KIZ: variants seen among roughly 807,000 people sequenced by gnomAD.
KIZ encodes kizuna centrosomal protein, also known as centrosomal protein kizuna.
A neutral mutation model predicts 79.6 loss-of-function variants in KIZ; 68 were observed. That is an observed-to-expected ratio of 0.85 (90% confidence interval 0.70 to 1.05). The LOEUF (loss-of-function observed/expected upper bound fraction) is 1.05. Among genes scored for constraint, KIZ ranks in the 50% least tolerant of loss-of-function variants. The probability of loss-of-function intolerance (pLI) is 0.00; values close to 1 mark genes in which losing one functional copy is unlikely to be tolerated. For synonymous variants in KIZ, 280 were observed against 281.8 expected, an observed-to-expected ratio of 0.99 and a Z score of 0.06; for missense variants, 797 against 800.4, an observed-to-expected ratio of 1.00 and a Z score of 0.05.
Position 21,136,402 on chromosome 20 carries a change from A to C in KIZ, c.165A>C (p.Lys55Asn), listed in dbSNP as rs1267860845. ...TTTAATTTTCTAGAGTTAAGCTGAAATATGTAAAACTAAAGAATTATCTGA... is the reference window on the plus strand; with the variant it reads ...TTTAATTTTCTAGAGTTAAGCTGAACTATGTAAAACTAAAGAATTATCTGA... ...NQSDTCRVKL[K>N]YVKLKNYLKE... is the part of the protein sequence containing the mutation. The change falls in exon 3 of 13, where the codon AAA (lysine) becomes AAC (asparagine). Residue 55 changes from lysine to asparagine, a missense_variant. Coordinates refer to ENST00000619189, the MANE Select transcript of KIZ (RefSeq NM_018474.6). 1 of 1,525,088 alleles carries C rather than the reference A, an allele frequency of 6.6e-7. No individual in the cohort carries two copies. The highest frequency in any genetic ancestry group is 2.3e-5 in the East Asian group (1 of 43,158). The allele number at this position is 1,525,088 out of a possible 1,614,324, so 94.5% of individuals were successfully genotyped here. A position where few individuals can be genotyped will look rare whatever the true frequency, so the allele number is the denominator to read the frequency against.
In KIZ at chr20:21,141,353, C is replaced by T. The variant is rs116241599; in HGVS notation, c.316-4212C>T. The stretch of plus-strand genomic sequence containing the variant: ...AAGCTAGCTACCATAGTCAGCCTGG[C>T]GCCAAATCCTACAGGGAACTTCTGG... On this transcript the variant is annotated intron_variant, in intron 3 of 12. Coordinates refer to ENST00000619189, the MANE Select transcript of KIZ (RefSeq NM_018474.6). Among the ~76,000 whole-genome samples, 766 of 152,246 alleles carry T rather than the reference C, an allele frequency of 5.0e-3. 4 individuals are homozygous for T. Among genetic ancestry groups the T allele is most frequent in the African/African-American group, 0.018 (744 of 41,548 alleles).
At chr20:21,180,306 T>G (rs1159411027) in intron 6 of KIZ, among the ~76,000 whole-genome samples, 1 of 152,042 alleles carries the variant, frequency 6.6e-6, no homozygotes, top group Non-Finnish European at 1.5e-5. Flanking sequence ...GACAACTCTT[T>G]TCCTAGAATT....
chr20:21,139,318 A>C (rs1055396006), intron 3 of KIZ, among the ~76,000 whole-genome samples: 5 of 152,110 alleles, frequency 3.3e-5, no homozygotes, highest in Admixed American at 6.6e-5. Context: ...ATATGGAATT[A>C]ACCTCCTATC....
intron 6 of KIZ, among the ~76,000 whole-genome samples, chr20:21,182,848 T>A (rs979590220): frequency 3.3e-5 from 5 of 151,990 alleles, no homozygotes; most frequent in African/African-American, 1.2e-4. Context: ...TTAGACTTCT[T>A]TTCTCCTCTC....
Position 21,246,542 on chromosome 20 carries a change from A to AT in KIZ, c.1989dup (p.Asn664Ter). ...GAGGCTGCTTTACGCCCCAGAAACC[A>AT]TAACACCGATGATTCTGATGATTTT... On this transcript the variant is annotated frameshift_variant, in exon 13 of 13. Transcript: ENST00000619189. LOFTEE classifies it high-confidence loss of function. 1 of 1,610,632 alleles carries AT rather than the reference A, an allele frequency of 6.2e-7. No individual in the cohort carries two copies. Among genetic ancestry groups the AT allele is most frequent in the Non-Finnish European group, 8.5e-7 (1 of 1,176,916 alleles).
rs139404522 is a variant in KIZ, at chr20:21,193,528, T to C, written c.1353-11963T>C. Among the ~76,000 whole-genome samples the C allele has an allele frequency of 1.8e-3, 278 of 152,168 alleles. 3 individuals are homozygous for C. The East Asian group carries it at 0.042, about 23-fold the overall frequency. ...GGGTATATACCCAAAGGATTGTAAG[T>C]CATGCTGCTATAAAGACACATGGAC... On this transcript the variant is annotated intron_variant, in intron 6 of 12. Transcript: ENST00000619189.
At chr20:21,173,622 G>T (rs2034316597) in intron 6 of KIZ, among the ~76,000 whole-genome samples, 1 of 150,604 alleles carries the variant, frequency 6.6e-6, no homozygotes, top group Non-Finnish European at 1.5e-5. Context: ...ATTCTTTATG[G>T]ATTGGGTGTG....
At chr20:21,226,653 A>T (rs943384314) in intron 9 of KIZ, among the ~76,000 whole-genome samples, 9 of 152,196 alleles carry the variant, frequency 5.9e-5, no homozygotes, top group Non-Finnish European at 8.8e-5. Context: ...AGTGAGTGTC[A>T]TTCCTCTGGG....
intron 6 of KIZ, among the ~76,000 whole-genome samples, chr20:21,171,134 G>A (rs2122796305): frequency 6.6e-6 from 1 of 152,300 alleles, no homozygotes; most frequent in Admixed American, 6.5e-5. Flanking sequence ...ATTCTAAAAG[G>A]TGTTTAGTGG....
At chr20:21,161,802 A>G in intron 4 of KIZ, 69 bp from the exon 5 acceptor site, 1 of 1,057,544 alleles carries the variant, frequency 9.5e-7, no homozygotes, top group South Asian at 1.8e-5. Context: ...CATTTCTGGA[A>G]AAAAAAAAAA....
intron 11 of KIZ, among the ~76,000 whole-genome samples, chr20:21,240,874 T>C (rs1236543821): frequency 6.6e-6 from 1 of 152,236 alleles, no homozygotes; most frequent in African/African-American, 2.4e-5. Flanking sequence ...AAATTGTCCA[T>C]GGCTGTTTTT....
chr20:21,196,275 C>T (rs1268256526), intron 6 of KIZ: 4 of 152,696 alleles, frequency 2.6e-5, no homozygotes, highest in Admixed American at 6.5e-5. Context: ...TTTCCCATCA[C>T]CTTTGCCTGT....
At chr20:21,141,897 C>T (rs2032564329) in intron 3 of KIZ, among the ~76,000 whole-genome samples, 1 of 150,202 alleles carries the variant, frequency 6.7e-6, no homozygotes, top group Non-Finnish European at 1.5e-5. Flanking sequence ...ATTTTTTCTC[C>T]TCATCTCTCC....
intron 3 of KIZ, 26 bp from the exon 4 acceptor site, chr20:21,145,539 C>CA: frequency 8.4e-7 from 1 of 1,183,592 alleles, no homozygotes; most frequent in Non-Finnish European, 1.2e-6. Flanking sequence ...ATATTTATCA[C>CA]AAAATCAAAC....
intron 6 of KIZ, among the ~76,000 whole-genome samples, chr20:21,188,823 C>T (rs1209251031): frequency 6.6e-6 from 1 of 151,902 alleles, no homozygotes; most frequent in Non-Finnish European, 1.5e-5. Context: ...CCTCAGCCTC[C>T]CAAGTAGCTG....
chr20:21,230,442 T>A (rs532887432), intron 10 of KIZ, among the ~76,000 whole-genome samples: 5 of 152,222 alleles, frequency 3.3e-5, no homozygotes, highest in African/African-American at 4.8e-5. Flanking sequence ...ACCACTGCAC[T>A]GGGCAACAGA....
At chr20:21,213,752 G>A (rs942629808) in intron 7 of KIZ, among the ~76,000 whole-genome samples, 3 of 152,182 alleles carry the variant, frequency 2.0e-5, no homozygotes, top group African/African-American at 7.2e-5. Context: ...CCCCAGTCCT[G>A]TGAATTGCCC....
At chr20:21,168,606 A>G (rs1387633541) in intron 6 of KIZ, among the ~76,000 whole-genome samples, 1 of 152,202 alleles carries the variant, frequency 6.6e-6, no homozygotes, top group African/African-American at 2.4e-5. Flanking sequence ...TAGAACCAAA[A>G]GAGAGCCCGC....
chr20:21,148,518 G>A (rs2032962342), intron 4 of KIZ, among the ~76,000 whole-genome samples: 1 of 152,000 alleles, frequency 6.6e-6, no homozygotes, highest in Non-Finnish European at 1.5e-5. Context: ...TACCAAAAAG[G>A]CACATTTCAA....
Sources: allele counts gnomAD v4.1 joint callset (sites outside exome capture counted in the v4.1 genomes callset), GRCh38; gene constraint gnomAD v4.1.1; transcripts MANE v1.5; gene names NCBI Gene and HGNC (gene_info 2026-07-23, HGNC 2026-07-21).